MTHFD1L: variants seen among roughly 807,000 people sequenced by gnomAD.
MTHFD1L encodes the protein monofunctional C1-tetrahydrofolate synthase, mitochondrial.
Under a neutral mutation model 119.5 loss-of-function variants are expected in MTHFD1L, and 81 were observed. The observed-to-expected ratio is 0.68, with a 90% CI of 0.57 to 0.82. MTHFD1L has a LOEUF of 0.82. Ranked by LOEUF, MTHFD1L falls within the 40% of genes least tolerant of loss-of-function variation. MTHFD1L has a pLI of 0.00. For synonymous variants in MTHFD1L, 430 were observed against 475.2 expected (o/e 0.90, Z 1.24); for missense variants, 1,125 against 1,253.4 (o/e 0.90, Z 1.55).
intron 4 of MTHFD1L, among the ~76,000 whole-genome samples, chr6:150,879,628 T>G (rs1432867884): frequency 6.8e-6 from 1 of 146,666 alleles, no homozygotes; most frequent in Non-Finnish European, 1.5e-5. Flanking sequence ...ACTGGTGTTT[T>G]TTTTTTTTTT....
intron 19 of MTHFD1L, 92 bp downstream of exon 19, chr6:150,965,129 C>T (rs572872268): frequency 1.7e-4 from 183 of 1,104,640 alleles, no homozygotes; most frequent in Non-Finnish European, 2.4e-4. Context: ...AGGCATAGAG[C>T]ATGCCTGGGG....
At chr6:150,977,266 C>G (rs1009678115) in intron 20 of MTHFD1L, among the ~76,000 whole-genome samples, 3 of 152,232 alleles carry the variant, frequency 2.0e-5, no homozygotes, top group Non-Finnish European at 4.4e-5. Context: ...AATTTTTGTT[C>G]TAACAAAAAG....
chr6:151,058,696 C>G (rs532621614), intron 26 of MTHFD1L, among the ~76,000 whole-genome samples: 1 of 152,314 alleles, frequency 6.6e-6, no homozygotes, highest in African/African-American at 2.4e-5. Flanking sequence ...GTGGCTTGGC[C>G]TGGCCTGGCC....
intron 5 of MTHFD1L, among the ~76,000 whole-genome samples, chr6:150,883,654 A>G (rs1245849027): frequency 6.6e-6 from 1 of 152,168 alleles, no homozygotes; most frequent in Non-Finnish European, 1.5e-5. Context: ...GGGGAACATC[A>G]TAACTATTGG....
chr6:150,962,082 C>T (rs1308618483), intron 18 of MTHFD1L, among the ~76,000 whole-genome samples: 1 of 152,096 alleles, frequency 6.6e-6, no homozygotes, highest in Non-Finnish European at 1.5e-5. Context: ...CTCTGCCTCC[C>T]AGATTCAAGT....
At chr6:151,061,796 A>G (rs1247538675) in intron 26 of MTHFD1L, among the ~76,000 whole-genome samples, 1 of 152,186 alleles carries the variant, frequency 6.6e-6, no homozygotes, top group Non-Finnish European at 1.5e-5. Context: ...GAGACCATCT[A>G]GTTCTTCACA....
intron 17 of MTHFD1L, among the ~76,000 whole-genome samples, chr6:150,960,069 C>A (rs1055179368): frequency 1.3e-5 from 2 of 152,194 alleles, no homozygotes; most frequent in Non-Finnish European, 2.9e-5. Context: ...AGAGCACATT[C>A]CGCCTGGGAG....
intron 20 of MTHFD1L, among the ~76,000 whole-genome samples, chr6:150,993,806 G>A (rs1326990349): frequency 6.6e-6 from 1 of 151,970 alleles, no homozygotes; most frequent in East Asian, 1.9e-4. Flanking sequence ...AAGAGTTATT[G>A]CAAGATCTCA....
At chr6:150,963,579 C>T (rs141075992) in intron 18 of MTHFD1L, among the ~76,000 whole-genome samples, 237 of 152,210 alleles carry the variant, frequency 1.6e-3, no homozygotes, top group African/African-American at 5.1e-3. Flanking sequence ...AGAAACCAAT[C>T]ACATGAGAGA....
In MTHFD1L at chr6:151,049,385, A is replaced by G. The variant is rs185235168; in HGVS notation, c.2847+12268A>G. 5.9e-3 allele frequency among the ~76,000 whole-genome samples: 902 copies of G among 152,028 alleles called. 11 individuals carry two copies. Among genetic ancestry groups the G allele is most frequent in the African/African-American group, 0.021 (855 of 41,464 alleles). On this transcript the variant is annotated intron_variant, in intron 26 of 27. Coordinates refer to ENST00000367321, the MANE Select transcript of MTHFD1L (RefSeq NM_015440.5). Reference sequence around the variant, plus strand: ...CAGACGCCTGTAGTCCCAGCTACTCAGGAGGCTGAGGCAGGAGAATGGCGT... The same window carrying G: ...CAGACGCCTGTAGTCCCAGCTACTCGGGAGGCTGAGGCAGGAGAATGGCGT...
chr6:151,083,541 T>C (rs1718928401), intron 26 of MTHFD1L, among the ~76,000 whole-genome samples: 1 of 152,168 alleles, frequency 6.6e-6, no homozygotes. Context: ...CTTTTATCTT[T>C]CTGGTAATGA....
chr6:151,080,519 C>G lies in MTHFD1L; in HGVS notation c.2848-11948C>G, dbSNP rs1451345432. On this transcript the variant is annotated intron_variant, in intron 26 of 27. Transcript: ENST00000367321. ...AAAAAGAGTGTTCTGTGTATAGAAG[C>G]CTTTGCAAGTAGCATAGTTAGGAGT... is the stretch of plus-strand genomic sequence containing the variant. Among the ~76,000 whole-genome samples, 43 of 152,068 alleles carry G rather than the reference C, an allele frequency of 2.8e-4. 1 individual carries two copies. Among genetic ancestry groups the G allele is most frequent in the Admixed American group, 2.8e-3 (43 of 15,260 alleles).
intron 13 of MTHFD1L, among the ~76,000 whole-genome samples, chr6:150,940,220 A>G (rs940726724): frequency 2.2e-4 from 34 of 152,284 alleles, no homozygotes; most frequent in African/African-American, 7.9e-4. Context: ...ACATAGTAGG[A>G]ACTCACTAGA....
At chr6:150,887,762 G>A in intron 6 of MTHFD1L, 83 bp from the exon 7 acceptor site, 1 of 1,428,030 alleles carries the variant, frequency 7.0e-7, no homozygotes, top group East Asian at 2.5e-5. Flanking sequence ...CAGCCTAAAA[G>A]GGTCTTTTTT....
intron 11 of MTHFD1L, chr6:150,935,261 G>T: frequency 2.5e-6 from 4 of 1,611,936 alleles, no homozygotes; most frequent in Non-Finnish European, 3.4e-6. Flanking sequence ...CATTGTATTT[G>T]TTGTGGACTC....
chr6:150,968,212 AT>A (rs1797504201), intron 19 of MTHFD1L, among the ~76,000 whole-genome samples: 1 of 134,396 alleles, frequency 7.4e-6, no homozygotes. Context: ...TGTTTTCTGT[AT>A]TTCTCCTCCC....
intron 20 of MTHFD1L, among the ~76,000 whole-genome samples, chr6:150,973,684 C>T (rs916619224): frequency 5.9e-5 from 9 of 152,174 alleles, no homozygotes; most frequent in African/African-American, 2.2e-4. Flanking sequence ...AAGATATAAA[C>T]TGATGATGTA....
chr6:151,062,326 T>C (rs573754331), intron 26 of MTHFD1L, among the ~76,000 whole-genome samples: 1 of 152,222 alleles, frequency 6.6e-6, no homozygotes, highest in South Asian at 2.1e-4. Flanking sequence ...TAGTCCCAGC[T>C]ACTCGGGAGG....
intron 26 of MTHFD1L, among the ~76,000 whole-genome samples, chr6:151,056,451 C>T (rs376864509): frequency 6.6e-6 from 1 of 152,212 alleles, no homozygotes; most frequent in African/African-American, 2.4e-5. Context: ...TTCTGAAAGG[C>T]CTGCTTGGGC....
Sources: gnomAD v4.1 joint callset for allele counts (sites outside exome capture counted in the v4.1 genomes callset) on GRCh38, gnomAD v4.1.1 for gene constraint, MANE v1.5 for transcripts, NCBI Gene and HGNC (gene_info 2026-07-23, HGNC 2026-07-21) for gene names.